The following KIAA1549L variants were observed in gnomAD, a reference collection of about 807,000 sequenced individuals.
The protein encoded by KIAA1549L is KIAA1549 like.
A neutral mutation model predicts 160.7 loss-of-function variants in KIAA1549L; 88 were observed. The ratio of observed to expected loss-of-function variants is 0.55; its 90% CI spans 0.46 to 0.65. The LOEUF (loss-of-function observed/expected upper bound fraction) is 0.65, where lower values mean the gene tolerates loss of function less well. Among genes scored for constraint, KIAA1549L ranks in the 30% least tolerant of loss-of-function variants. KIAA1549L has a pLI of 0.00. For synonymous variants in KIAA1549L, 950 were observed against 976.7 expected (o/e 0.97, Z 0.51); for missense variants, 2,258 against 2,437.5 (o/e 0.93, Z 1.55).
chr11:33,594,859 C>G (rs879268067), intron 12 of KIAA1549L, among the ~76,000 whole-genome samples: 25 of 152,180 alleles, frequency 1.6e-4, no homozygotes, highest in Non-Finnish European at 3.1e-4. Context: ...AATTGACTTG[C>G]AAGTAGTATT....
intron 1 of KIAA1549L, among the ~76,000 whole-genome samples, chr11:33,478,761 G>A (rs377673824): frequency 2.6e-5 from 4 of 152,230 alleles, no homozygotes; most frequent in Admixed American, 6.5e-5. Context: ...GATTTTAGAC[G>A]GAGTCTTGCT....
rs539186069 is a variant in KIAA1549L at position 33,520,882 on chromosome 11, G to A, written c.239-20920G>A. On this transcript the variant is annotated intron_variant, in intron 1 of 20. Coordinates refer to ENST00000658780, the MANE Select transcript of KIAA1549L (RefSeq NM_012194.3). ...TTTGTTTTTAAAAAGTAACATCTCA[G>A]CCTGGTGCAGTGGCTCATGTCTGTA... Among the ~76,000 whole-genome samples, 3 of 152,232 alleles carry A rather than the reference G, an allele frequency of 2.0e-5. 1 individual carries two copies. The highest frequency in any genetic ancestry group is 7.2e-5 in the African/African-American group (3 of 41,546).
rs57343190 is a variant in KIAA1549L, at chr11:33,598,190, T to TTGTGTGTGTG, written c.4752-600_4752-591dup. Among the ~76,000 whole-genome samples, 904 of 135,166 alleles carry TTGTGTGTGTG rather than the reference T, an allele frequency of 6.7e-3. 9 individuals are homozygous for TTGTGTGTGTG. The highest frequency in any genetic ancestry group is 0.021 in the African/African-American group (767 of 37,006). The allele number at this position is 135,166 out of a possible 152,430, so 88.7% of individuals were successfully genotyped here. ...AGTTAGAGAGTTAGAGAGAGAATGT[T>TTGTGTGTGTG]TGTGTGTGTGTGTGTGTGTGTGTGT... is the stretch of plus-strand genomic sequence containing the variant. On this transcript the variant is annotated intron_variant, in intron 12 of 20. Transcript: ENST00000658780.
chr11:33,511,182 C>T (rs1853219982), intron 1 of KIAA1549L, among the ~76,000 whole-genome samples: 1 of 152,188 alleles, frequency 6.6e-6, no homozygotes. Context: ...ACAGGCACGG[C>T]TGTGTTGGCT....
At chr11:33,654,676 A>G (rs1852003143) in intron 17 of KIAA1549L, among the ~76,000 whole-genome samples, 1 of 152,158 alleles carries the variant, frequency 6.6e-6, no homozygotes, top group Non-Finnish European at 1.5e-5. Flanking sequence ...TTTGTTTTCC[A>G]GGCCACTTCG....
intron 1 of KIAA1549L, among the ~76,000 whole-genome samples, chr11:33,472,086 G>A (rs1333671724): frequency 6.6e-6 from 1 of 151,972 alleles, no homozygotes; most frequent in Non-Finnish European, 1.5e-5. Flanking sequence ...TCCTGTTGGT[G>A]CCTCTTTCTT....
At chr11:33,549,218 C>A (rs1357966995) in intron 4 of KIAA1549L, among the ~76,000 whole-genome samples, 1 of 152,000 alleles carries the variant, frequency 6.6e-6, no homozygotes, top group East Asian at 1.9e-4. Context: ...ATATTACCAC[C>A]ATAAATGGAA....
intron 1 of KIAA1549L, among the ~76,000 whole-genome samples, chr11:33,438,752 G>T (rs1851430748): frequency 6.6e-6 from 1 of 152,048 alleles, no homozygotes; most frequent in South Asian, 2.1e-4. Context: ...ACTGTTAGAA[G>T]TCTTGGAAGA....
chr11:33,415,328 T>C (rs1850867144), intron 1 of KIAA1549L, among the ~76,000 whole-genome samples: 3 of 152,244 alleles, frequency 2.0e-5, no homozygotes, highest in Admixed American at 6.5e-5. Context: ...CTATATGTTA[T>C]GGATTTTCAG....
chr11:33,467,679 A>G (rs1852091212), intron 1 of KIAA1549L, among the ~76,000 whole-genome samples: 1 of 152,216 alleles, frequency 6.6e-6, no homozygotes, highest in Non-Finnish European at 1.5e-5. Context: ...GGCAGTATAT[A>G]GTAGATTCCA....
chr11:33,388,071 G>A (rs766084020), intron 1 of KIAA1549L, among the ~76,000 whole-genome samples: 2 of 152,160 alleles, frequency 1.3e-5, no homozygotes, highest in African/African-American at 2.4e-5. Flanking sequence ...GGTAGATGCA[G>A]TAAAATGCAA....
chr11:33,470,469 A>G (rs1201670355), intron 1 of KIAA1549L, among the ~76,000 whole-genome samples: 1 of 151,868 alleles, frequency 6.6e-6, no homozygotes, highest in African/African-American at 2.4e-5. Flanking sequence ...TTTTTCAGAC[A>G]GGGTCTCACT....
intron 1 of KIAA1549L, among the ~76,000 whole-genome samples, chr11:33,464,511 T>TGC (rs1554980348): frequency 0.016 from 2,195 of 139,548 alleles, 23 homozygotes; most frequent in Non-Finnish European, 0.019. Flanking sequence ...TGTGTGTGTG[T>TGC]GCGTGCGCGC....
intron 17 of KIAA1549L, 123 bp downstream of exon 17, chr11:33,646,159 C>A: frequency 1.3e-6 from 1 of 741,124 alleles, no homozygotes; most frequent in Non-Finnish European, 2.2e-6. Flanking sequence ...TGAACTATGC[C>A]AGGCCCTCAT....
chr11:33,427,254 G>A (rs906161727), intron 1 of KIAA1549L, among the ~76,000 whole-genome samples: 1 of 104,258 alleles, frequency 9.6e-6, no homozygotes, highest in Non-Finnish European at 2.4e-5. Flanking sequence ...AAAACAGGTA[G>A]AAGAGGATTT....
At chr11:33,489,450 A>T (rs1293950868) in intron 1 of KIAA1549L, among the ~76,000 whole-genome samples, 1 of 152,244 alleles carries the variant, frequency 6.6e-6, no homozygotes, top group African/African-American at 2.4e-5. Context: ...TCATGTTGAG[A>T]GTTAGGGCTT....
chr11:33,513,632 TG>T (rs1252598818), intron 1 of KIAA1549L, among the ~76,000 whole-genome samples: 10 of 152,192 alleles, frequency 6.6e-5, no homozygotes, highest in African/African-American at 2.4e-4. Flanking sequence ...ATGCTGCAAG[TG>T]GCAGCTTGCA....
intron 4 of KIAA1549L, among the ~76,000 whole-genome samples, chr11:33,549,633 C>T (rs1055522106): frequency 6.6e-6 from 1 of 152,188 alleles, no homozygotes; most frequent in South Asian, 2.1e-4. Context: ...CACACCCATC[C>T]TGTTGCAAAA....
chr11:33,466,360 T>A (rs1043620507), intron 1 of KIAA1549L, among the ~76,000 whole-genome samples: 1 of 152,200 alleles, frequency 6.6e-6, no homozygotes, highest in African/African-American at 2.4e-5. Context: ...AACAGACATA[T>A]GAGAAAATGC....
Sources: gnomAD v4.1 joint callset for allele counts (sites outside exome capture counted in the v4.1 genomes callset) on GRCh38, gnomAD v4.1.1 for gene constraint, MANE v1.5 for transcripts, NCBI Gene and HGNC (gene_info 2026-07-23, HGNC 2026-07-21) for gene names.